TENM1: variants seen among roughly 807,000 people sequenced by gnomAD.
TENM1 encodes teneurin transmembrane protein 1, also known as teneurin-1.
TENM1 carries 35 observed loss-of-function variants against 174.8 expected under a neutral mutation model. The ratio of observed to expected loss-of-function variants is 0.20; its 90% CI spans 0.15 to 0.27. The LOEUF is 0.27. Ranked by LOEUF, TENM1 falls within the 10% of genes least tolerant of loss-of-function variation. The pLI is 1.00. For synonymous variants in TENM1, 781 were observed against 798.7 expected (o/e 0.98, Z 0.37); for missense variants, 1,633 against 2,130.1 (o/e 0.77, Z 4.59).
At chrX:125,122,495 T>A in the TENM1 span, among the ~76,000 whole-genome samples, 1 of 111,971 alleles carries the variant, frequency 8.9e-6, no homozygotes, top group African/African-American at 3.2e-5. Context: ...CATTCATTTT[T>A]AAAATCAATT....
At chrX:124,732,299 A>G (rs1270546249) in intron 4 of TENM1, among the ~76,000 whole-genome samples, 1 of 112,010 alleles carries the variant, frequency 8.9e-6, no homozygotes, top group Non-Finnish European at 1.9e-5. Flanking sequence ...AAAAAAGCTG[A>G]TACTGGAGTA....
At chrX:124,618,076 C>T (rs1193132614) in intron 11 of TENM1, among the ~76,000 whole-genome samples, 4 of 111,980 alleles carry the variant, frequency 3.6e-5, no homozygotes, top group Non-Finnish European at 7.5e-5. Flanking sequence ...CTTCTTTATC[C>T]TGTGGAATTA....
chrX:125,154,676 T>C, the TENM1 span, among the ~76,000 whole-genome samples: 15 of 110,563 alleles, frequency 1.4e-4, no homozygotes, highest in Non-Finnish European at 2.6e-4. Flanking sequence ...AGTGTTACAG[T>C]TCTTAAAGGC....
chrX:124,760,431 A>ATG (rs1489480766), intron 3 of TENM1, among the ~76,000 whole-genome samples: 6 of 111,477 alleles, frequency 5.4e-5, no homozygotes, highest in African/African-American at 2.0e-4. Context: ...TTTCTTTTGC[A>ATG]TGATTGCCCT....
intron 20 of TENM1, among the ~76,000 whole-genome samples, chrX:124,492,088 A>G (rs1385657658): frequency 1.8e-5 from 2 of 111,834 alleles, no homozygotes; most frequent in African/African-American, 6.5e-5. Context: ...ATAATGAATA[A>G]CCTGGCAGAG....
intron 3 of TENM1, among the ~76,000 whole-genome samples, chrX:124,821,385 C>A (rs2056034202): frequency 8.9e-6 from 1 of 111,792 alleles, no homozygotes; most frequent in Admixed American, 9.5e-5. Context: ...GATGATATGG[C>A]ACTTCAGATT....
chrX:124,740,136 G>A (rs1301331258), intron 3 of TENM1, among the ~76,000 whole-genome samples: 2 of 111,505 alleles, frequency 1.8e-5, no homozygotes, highest in Admixed American at 9.5e-5. Context: ...TTAATGACCC[G>A]AGGGAAGGGA....
the TENM1 span, among the ~76,000 whole-genome samples, chrX:124,977,511 T>C: frequency 9.0e-6 from 1 of 111,454 alleles, no homozygotes; most frequent in Non-Finnish European, 1.9e-5. Context: ...AGTGTAAAAT[T>C]CAATGATTCG....
chrX:124,382,624 C>T (rs1242630087), intron 31 of TENM1, 46 bp downstream of exon 34: 1 of 1,162,502 alleles, frequency 8.6e-7, no homozygotes, highest in East Asian at 3.1e-5. Context: ...TATTGAATGC[C>T]CTTCTGTTGT....
At chrX:124,426,727 T>C (rs912358776) in intron 23 of TENM1, among the ~76,000 whole-genome samples, 1 of 112,129 alleles carries the variant, frequency 8.9e-6, no homozygotes, top group Non-Finnish European at 1.9e-5. Context: ...TCTGTGCAGC[T>C]AGGAATTTGA....
chrX:124,750,947 A>C (rs935401382), intron 3 of TENM1, among the ~76,000 whole-genome samples: 2 of 112,571 alleles, frequency 1.8e-5, no homozygotes, highest in Admixed American at 9.5e-5. Context: ...AGTCCGATTC[A>C]ATATGCTCAA....
chrX:125,166,615 G>A, the TENM1 span, among the ~76,000 whole-genome samples: 1 of 111,523 alleles, frequency 9.0e-6, no homozygotes, highest in Admixed American at 9.6e-5. Flanking sequence ...AAAAATATTT[G>A]GATGTGAAGA....
chrX:124,908,706 ACTTT>A (rs2057788405), intron 1 of TENM1, among the ~76,000 whole-genome samples: 1 of 111,250 alleles, frequency 9.0e-6, no homozygotes, highest in South Asian at 3.9e-4. Context: ...GTTTGGATTT[ACTTT>A]CTTCTTCCTC....
intron 3 of TENM1, among the ~76,000 whole-genome samples, chrX:124,811,020 C>T (rs2055759168): frequency 9.0e-6 from 1 of 111,057 alleles, no homozygotes; most frequent in Admixed American, 9.6e-5. Flanking sequence ...TAGGGCCTTA[C>T]CTCATACCAT....
At chrX:125,140,902 TC>T in the TENM1 span, among the ~76,000 whole-genome samples, 18 of 111,965 alleles carry the variant, frequency 1.6e-4, 1 homozygote, top group South Asian at 6.3e-3. Context: ...CAATCTAACT[TC>T]CTTTGTAGGA....
the TENM1 span, among the ~76,000 whole-genome samples, chrX:125,036,102 C>T: frequency 9.0e-6 from 1 of 111,599 alleles, no homozygotes; most frequent in East Asian, 2.8e-4. Context: ...TGACATTTCA[C>T]AAACAGAGAT....
the TENM1 span, among the ~76,000 whole-genome samples, chrX:125,189,807 T>C: frequency 8.9e-6 from 1 of 112,359 alleles, no homozygotes; most frequent in Non-Finnish European, 1.9e-5. Context: ...TGCATACATG[T>C]GTATGGATAG....
the TENM1 span, among the ~76,000 whole-genome samples, chrX:125,065,757 C>T: frequency 1.8e-5 from 2 of 112,073 alleles, no homozygotes. Context: ...TACACAAGTA[C>T]ATGGAAACAA....
At position 124,809,843 on chromosome X, in the gene TENM1, GGAGAGAGAGA is replaced by G. The variant is rs4027522; in HGVS notation, c.536-72656_536-72647del. 5.8e-3 allele frequency among the ~76,000 whole-genome samples: 459 copies of G among 78,668 alleles called. 2 individuals carry two copies. The highest frequency in any genetic ancestry group is 0.021 in the African/African-American group (411 of 19,846). 68.3% of individuals were successfully genotyped at this position (78,668 alleles called of 115,157 possible). On this transcript the variant is annotated intron_variant, in intron 3 of 31. Transcript: ENST00000422452. ...GCAAGGCATATCTTACATGACAGCAGGAGAGAGAGAGAGAGAGAGAGAGAGAGAGAGAGAG... is the reference window on the plus strand; with the variant it reads ...GCAAGGCATATCTTACATGACAGCAGGAGAGAGAGAGAGAGAGAGAGAGAG...
Sources: allele counts gnomAD v4.1 joint callset (sites outside exome capture counted in the v4.1 genomes callset), GRCh38; gene constraint gnomAD v4.1.1; transcripts MANE v1.5; gene names NCBI Gene and HGNC (gene_info 2026-07-23, HGNC 2026-07-21).